ABCA13: variants seen among roughly 807,000 people sequenced by gnomAD.
ABCA13 encodes ATP binding cassette subfamily A member 13, also known as ATP-binding cassette sub-family A member 13.
ABCA13 carries 476 observed loss-of-function variants against 478.7 expected under a neutral mutation model. The observed-to-expected ratio is 0.99, with a 90% CI of 0.92 to 1.07. ABCA13 has a LOEUF of 1.07. Among genes scored for constraint, ABCA13 ranks in the 50% least tolerant of loss-of-function variants. The probability of loss-of-function intolerance (pLI) is 0.00; values close to 1 mark genes in which losing one functional copy is unlikely to be tolerated. For missense variants in ABCA13, 6,060 were observed against 5,910.6 expected (o/e 1.03, Z -0.83); for synonymous variants, 2,252 against 2,158.9 (o/e 1.04, Z -1.20).
intron 51 of ABCA13, among the ~76,000 whole-genome samples, chr7:48,513,086 C>T (rs762496084): frequency 9.9e-5 from 15 of 152,164 alleles, no homozygotes; most frequent in Non-Finnish European, 1.9e-4. Flanking sequence ...GTGAGAGACC[C>T]GGTCTGGGGA....
chr7:48,347,887 C>T (rs1808352011), intron 29 of ABCA13, among the ~76,000 whole-genome samples: 1 of 152,184 alleles, frequency 6.6e-6, no homozygotes, highest in Non-Finnish European at 1.5e-5. Context: ...AAGCATGTTA[C>T]ACATTATTCT....
intron 55 of ABCA13, among the ~76,000 whole-genome samples, chr7:48,539,309 C>T (rs1186456419): frequency 6.7e-6 from 1 of 149,088 alleles, no homozygotes; most frequent in Admixed American, 6.6e-5. Context: ...AATAGCTGGT[C>T]TTTAGTCTTT....
intron 56 of ABCA13, among the ~76,000 whole-genome samples, chr7:48,584,897 T>G (rs1461798412): frequency 6.6e-6 from 1 of 152,188 alleles, no homozygotes; most frequent in African/African-American, 2.4e-5. Flanking sequence ...AAGTAAGGAC[T>G]TTTTTCCGAC....
Position 48,643,392 on chromosome 7 carries a change from A to G in ABCA13, c.14942A>G (p.Lys4981Arg). The change falls in exon 60 of 62, where the codon AAG becomes AGG. Residue 4981 changes from lysine to arginine, a missense_variant and splice_region_variant. By Grantham distance (26) the Lys-to-Arg change is conservative. Around this residue, in one of 3 missense-constraint regions of ABCA13, gnomAD observed 1,627 missense variants for 1,571.0 expected, o/e 1.04. Transcript: ENST00000435803. ...LKLYFPGIQF[K>R]GQHLNLLEYH... ...CTTTATTTTCCAGGAATTCAGTTCAAGGTAGTGCTAATATCTTGTATTATT... is the reference window on the plus strand; with the variant it reads ...CTTTATTTTCCAGGAATTCAGTTCAGGGTAGTGCTAATATCTTGTATTATT... 6.2e-7 allele frequency: 1 copy of G among 1,604,096 alleles called. No homozygotes were observed. Among genetic ancestry groups the G allele is most frequent in the South Asian group, 1.1e-5 (1 of 90,640 alleles).
At chr7:48,556,069 A>G (rs1223445962) in intron 55 of ABCA13, among the ~76,000 whole-genome samples, 1 of 151,762 alleles carries the variant, frequency 6.6e-6, no homozygotes, top group African/African-American at 2.4e-5. Context: ...TCTACTGGTT[A>G]TTTGTGATCA....
chr7:48,587,766 G>A (rs1267257984), intron 57 of ABCA13, among the ~76,000 whole-genome samples: 1 of 152,178 alleles, frequency 6.6e-6, no homozygotes, highest in African/African-American at 2.4e-5. Context: ...ATATGCAATG[G>A]TCTTGAGACA....
Position 48,268,995 on chromosome 7 carries a change from C to T in ABCA13, c.2021C>T (p.Ser674Phe), listed in dbSNP as rs189826199. ...QNRLLAFPEE[S>F]PCFEENMDWK... ...TTTTATTTAGCTTTTCCTGAGGAATCTCCTTGTTTTGAAGAAAACATGGAT... is the reference window on the plus strand; with the variant it reads ...TTTTATTTAGCTTTTCCTGAGGAATTTCCTTGTTTTGAAGAAAACATGGAT... Residue 674 changes from serine to phenylalanine, a missense_variant, in exon 16 of 62, where the codon TCT becomes TTT. By Grantham distance (155) the Ser-to-Phe change is radical. This residue lies in a region of ABCA13 where 4,423 missense variants were observed against 4,309.1 expected (regional missense o/e 1.03). Transcript: ENST00000435803. 4.0e-5 allele frequency: 63 copies of T among 1,571,852 alleles called. No individual in the cohort carries two copies. In the African/African-American group the frequency reaches 6.6e-4, roughly 17 times the overall value.
Position 48,314,299 on chromosome 7 carries a change from G to T in ABCA13, c.9749G>T (p.Cys3250Phe). The change falls in exon 26 of 62, where the codon TGC (cysteine) becomes TTC (phenylalanine). Residue 3250 changes from cysteine (C) to phenylalanine (F), a missense_variant. Coordinates refer to ENST00000435803, the MANE Select transcript of ABCA13 (RefSeq NM_152701.5). ...TTCCAGTTTGTGATGAAGATGGTTT[G>T]CAAGGACCAAGCATCATTCCTTAGC... ...GSFQFVMKMV[C>F]KDQASFLSDS... The T allele has an allele frequency of 6.2e-7, 1 of 1,613,778 alleles. No homozygotes were observed. The highest frequency in any genetic ancestry group is 1.1e-5 in the South Asian group (1 of 90,992).
At chr7:48,334,449 C>G (rs1344036509) in intron 27 of ABCA13, among the ~76,000 whole-genome samples, 1 of 152,054 alleles carries the variant, frequency 6.6e-6, no homozygotes, top group Admixed American at 6.5e-5. Context: ...ATTCTCCTGC[C>G]TCAGCCTCCC....
rs367929757 is a variant in ABCA13, at chr7:48,637,835, C to A, written c.14838-5453C>A. Among the ~76,000 whole-genome samples the A allele has an allele frequency of 2.0e-5, 3 of 152,136 alleles. No homozygotes were observed. In the South Asian group the frequency reaches 6.2e-4, roughly 32 times the overall value. ...TTAGTTAAGAAGGAAATATTGTTTT[C>A]ATTACACCAAAGTCTGACAAGGAAT... On this transcript the variant is annotated intron_variant, in intron 59 of 61. Transcript: ENST00000435803.
At chr7:48,487,647 A>T (rs11762388) in intron 47 of ABCA13, among the ~76,000 whole-genome samples, 1 of 152,152 alleles carries the variant, frequency 6.6e-6, no homozygotes, top group Admixed American at 6.5e-5. Context: ...GGGGAGAAGG[A>T]GGTCACAGAC....
chr7:48,378,035 G>T (rs1585075511), intron 35 of ABCA13, among the ~76,000 whole-genome samples: 1 of 152,156 alleles, frequency 6.6e-6, no homozygotes, highest in South Asian at 2.1e-4. Context: ...CTACATTATG[G>T]TAAAGCAAAG....
chr7:48,181,925 C>T (rs1404160313), intron 1 of ABCA13, among the ~76,000 whole-genome samples: 1 of 152,068 alleles, frequency 6.6e-6, no homozygotes, highest in African/African-American at 2.4e-5. Context: ...AATATAAATG[C>T]GAACTTGGGT....
At chr7:48,393,947 A>G (rs1451497427) in intron 38 of ABCA13, among the ~76,000 whole-genome samples, 3 of 151,880 alleles carry the variant, frequency 2.0e-5, no homozygotes, top group African/African-American at 7.3e-5. Context: ...GGCTTCTTCT[A>G]CCCTTTCCTC....
At chr7:48,624,524 T>TTTG (rs1260736155) in intron 59 of ABCA13, among the ~76,000 whole-genome samples, 1 of 66,426 alleles carries the variant, frequency 1.5e-5, no homozygotes, top group Admixed American at 1.6e-4. Context: ...GGCTGTGTAT[T>TTTG]TTGTTGTCGT....
At chr7:48,572,681 T>C (rs1157408960) in intron 55 of ABCA13, among the ~76,000 whole-genome samples, 1 of 152,214 alleles carries the variant, frequency 6.6e-6, no homozygotes, top group Admixed American at 6.5e-5. Context: ...GTGATTATTA[T>C]ATGAAATTAT....
intron 43 of ABCA13, among the ~76,000 whole-genome samples, chr7:48,456,371 T>C (rs560936523): frequency 6.6e-6 from 1 of 152,376 alleles, no homozygotes; most frequent in African/African-American, 2.4e-5. Context: ...CTTCAGTTTG[T>C]TCCCTCCTTG....
At chr7:48,490,385 T>C (rs770079189) in intron 48 of ABCA13, among the ~76,000 whole-genome samples, 17 of 152,246 alleles carry the variant, frequency 1.1e-4, no homozygotes, top group Admixed American at 5.2e-4. Flanking sequence ...CTTTACTGAT[T>C]AGAAAACTGA....
At chr7:48,212,562 T>A (rs1018487572) in intron 3 of ABCA13, among the ~76,000 whole-genome samples, 2 of 152,232 alleles carry the variant, frequency 1.3e-5, no homozygotes, top group Admixed American at 1.3e-4. Flanking sequence ...CATCAATACA[T>A]AAGAATTCCA....
Sources: allele counts gnomAD v4.1 joint callset (sites outside exome capture counted in the v4.1 genomes callset), GRCh38; gene constraint gnomAD v4.1.1; regional missense constraint gnomAD v4.1.1; transcripts MANE v1.5; gene names NCBI Gene and HGNC (gene_info 2026-07-23, HGNC 2026-07-21).